Variants in RPTOR observed in about 807,000 individuals in gnomAD.
RPTOR encodes the protein regulatory-associated protein of mTOR.
A neutral mutation model predicts 169.9 loss-of-function variants in RPTOR; 21 were observed. That is an observed-to-expected ratio of 0.12 (90% CI 0.09 to 0.18). The LOEUF (loss-of-function observed/expected upper bound fraction) is 0.18. Ranked by LOEUF, RPTOR falls within the 10% of genes least tolerant of loss-of-function variation. The probability of loss-of-function intolerance (pLI) is 1.00; values close to 1 mark genes in which losing one functional copy is unlikely to be tolerated. For synonymous variants in RPTOR, 732 were observed against 753.2 expected, an observed-to-expected ratio of 0.97 and a Z score of 0.46; for missense variants, 1,133 against 1,855.9, an observed-to-expected ratio of 0.61 and a Z score of 7.16.
At chr17:80,563,035 G>A (rs1320727559) in intron 1 of RPTOR, among the ~76,000 whole-genome samples, 1 of 152,114 alleles carries the variant, frequency 6.6e-6, no homozygotes, top group Non-Finnish European at 1.5e-5. Flanking sequence ...CGTTTCCATG[G>A]TTTCTGGTCT....
At chr17:80,925,589 G>A (rs1455344615) in intron 24 of RPTOR, 109 bp downstream of exon 24, 4 of 842,346 alleles carry the variant, frequency 4.7e-6, no homozygotes, top group Admixed American at 2.1e-5. Flanking sequence ...GTCCCATTGT[G>A]GTCGTGGTAG....
intron 7 of RPTOR, among the ~76,000 whole-genome samples, chr17:80,807,706 T>C (rs1451497924): frequency 6.6e-6 from 1 of 152,074 alleles, no homozygotes; most frequent in African/African-American, 2.4e-5. Flanking sequence ...ATCTTTTGAG[T>C]TGATTTAGCA....
In RPTOR at chr17:80,855,409, G is replaced by A. The variant is rs367553076; in HGVS notation, c.1315-55G>A. The A allele has an allele frequency of 6.7e-4, 886 of 1,332,040 alleles. 4 individuals are homozygous for A. The Middle Eastern group carries it at 7.6e-3, about 11-fold the overall frequency. 82.5% of individuals were successfully genotyped at this position (1,332,040 alleles called of 1,614,324 possible). A position where few individuals can be genotyped will look rare whatever the true frequency, so the allele number is the denominator to read the frequency against. On this transcript the variant is annotated intron_variant, in intron 11 of 33. Coordinates refer to ENST00000306801, the MANE Select transcript of RPTOR (RefSeq NM_020761.3). ...CTGGCAGCTCATGCAGCAGCGTTTC[G>A]GGGTTGCACACCAGTATGGTTTGCA...
At chr17:80,945,328 C>G (rs982981263) in intron 25 of RPTOR, among the ~76,000 whole-genome samples, 2 of 151,098 alleles carry the variant, frequency 1.3e-5, no homozygotes, top group East Asian at 2.0e-4. Flanking sequence ...CGCGGTGGCT[C>G]ACGCCTGTAA....
At chr17:80,740,948 T>G (rs2066476819) in intron 5 of RPTOR, among the ~76,000 whole-genome samples, 1 of 152,220 alleles carries the variant, frequency 6.6e-6, no homozygotes, top group Non-Finnish European at 1.5e-5. Flanking sequence ...ACATCATTGG[T>G]TATCAGGGAA....
At chr17:80,900,483 A>AT (rs1356369399) in intron 20 of RPTOR, among the ~76,000 whole-genome samples, 1 of 152,112 alleles carries the variant, frequency 6.6e-6, no homozygotes, top group Non-Finnish European at 1.5e-5. Context: ...CACCTGGCTA[A>AT]TTTTGTACTT....
At chr17:80,644,661 C>T (rs60062832) in intron 3 of RPTOR, among the ~76,000 whole-genome samples, 1 of 152,044 alleles carries the variant, frequency 6.6e-6, no homozygotes, top group Non-Finnish European at 1.5e-5. Flanking sequence ...ATTTATGGAA[C>T]CTTTTGAACA....
intron 6 of RPTOR, among the ~76,000 whole-genome samples, chr17:80,758,090 A>G (rs1443469611): frequency 2.0e-5 from 3 of 152,246 alleles, no homozygotes; most frequent in Non-Finnish European, 2.9e-5. Flanking sequence ...CCTAAGAAGC[A>G]TATTGCCCTC....
chr17:80,944,227 G>A (rs936640217), intron 25 of RPTOR, among the ~76,000 whole-genome samples: 6 of 152,166 alleles, frequency 3.9e-5, no homozygotes, highest in African/African-American at 7.2e-5. Context: ...CTCAGTCAAG[G>A]AAGTTCATAG....
In RPTOR at chr17:80,814,987, G is replaced by C. The variant is rs574175515; in HGVS notation, c.891-7214G>C. The stretch of plus-strand genomic sequence containing the variant: ...AGCCAAGAAGACAGGAGGGTGGTCT[G>C]AGCAGAGCACACAGGATGTTTGAGA... On this transcript the variant is annotated intron_variant, in intron 7 of 33. Coordinates refer to ENST00000306801, the MANE Select transcript of RPTOR (RefSeq NM_020761.3). 1.3e-5 allele frequency among the ~76,000 whole-genome samples: 2 copies of C among 152,350 alleles called. 1 individual carries two copies. The highest frequency in any genetic ancestry group is 4.1e-4 in the South Asian group (2 of 4,826).
At chr17:80,941,161 T>A (rs746612399) in intron 25 of RPTOR, 5 of 153,158 alleles carry the variant, frequency 3.3e-5, no homozygotes, top group Non-Finnish European at 7.3e-5. Context: ...CAGTCATGAT[T>A]TTCCTAAACC....
Position 80,913,305 on chromosome 17 carries a change from A to T in RPTOR, c.2520+4376A>T, listed in dbSNP as rs1294245940. Among the ~76,000 whole-genome samples the T allele has an allele frequency of 2.0e-5, 3 of 152,150 alleles. No homozygotes were observed. The East Asian group carries it at 5.8e-4, about 29-fold the overall frequency. On this transcript the variant is annotated intron_variant, in intron 21 of 33. Coordinates refer to ENST00000306801, the MANE Select transcript of RPTOR (RefSeq NM_020761.3). ...TCTATATTCAAATACAGAAATTGCC[A>T]CCAGCTCTGTATGAGAGAACCCACA...
intron 11 of RPTOR, 123 bp downstream of exon 11, chr17:80,846,697 T>A: frequency 1.3e-6 from 1 of 757,732 alleles, no homozygotes; most frequent in Non-Finnish European, 2.2e-6. Context: ...TCCCAGCCCC[T>A]CTGCCCCGAA....
chr17:80,605,075 G>T (rs1211486878), intron 1 of RPTOR, among the ~76,000 whole-genome samples: 1 of 152,152 alleles, frequency 6.6e-6, no homozygotes, highest in Non-Finnish European at 1.5e-5. Context: ...TCTCTTATGG[G>T]TTGGAGTAAG....
intron 10 of RPTOR, among the ~76,000 whole-genome samples, chr17:80,841,971 C>G: frequency 6.7e-6 from 1 of 149,556 alleles, no homozygotes; most frequent in African/African-American, 2.5e-5. Flanking sequence ...GCAGCTCACT[C>G]TCACCGCACC....
rs1404880140 is a variant in RPTOR at position 80,903,715 on chromosome 17, CGCGTGCAG to C, written c.2402-5095_2402-5088del. ...AAGCTGAAAGAGTCCTTACAAGCCC[CGCGTGCAG>C]CTCCAGAGACCCCCAGTAGTGAGTT... On this transcript the variant is annotated intron_variant, in intron 20 of 33. Coordinates refer to ENST00000306801, the MANE Select transcript of RPTOR (RefSeq NM_020761.3). Among the ~76,000 whole-genome samples the C allele has an allele frequency of 5.3e-5, 8 of 152,242 alleles. No homozygotes were observed. The East Asian group carries it at 1.5e-3, about 29-fold the overall frequency.
chr17:80,821,473 C>T (rs901471591), intron 7 of RPTOR, among the ~76,000 whole-genome samples: 2 of 152,192 alleles, frequency 1.3e-5, no homozygotes, highest in African/African-American at 4.8e-5. Flanking sequence ...TAATGGCCTC[C>T]AGCTCCATCC....
chr17:80,582,744 C>T (rs936328409), intron 1 of RPTOR, among the ~76,000 whole-genome samples: 7 of 151,128 alleles, frequency 4.6e-5, no homozygotes, highest in African/African-American at 1.5e-4. Context: ...CGGGGTTTCA[C>T]CATGTTGGCC....
intron 24 of RPTOR, among the ~76,000 whole-genome samples, chr17:80,937,645 C>A (rs2068970645): frequency 6.6e-6 from 1 of 152,254 alleles, no homozygotes; most frequent in Non-Finnish European, 1.5e-5. Flanking sequence ...CAGGGAGGCT[C>A]AGCCTGCACT....
Sources: gnomAD v4.1 joint callset for allele counts (sites outside exome capture counted in the v4.1 genomes callset) on GRCh38, gnomAD v4.1.1 for gene constraint, MANE v1.5 for transcripts, NCBI Gene and HGNC (gene_info 2026-07-23, HGNC 2026-07-21) for gene names.